Variants in CDH8 observed in about 807,000 individuals in gnomAD.
CDH8 encodes the protein cadherin-8.
CDH8 carries 17 observed loss-of-function variants against 68.1 expected under a neutral mutation model. The observed-to-expected ratio is 0.25, with a 90% CI of 0.17 to 0.37. CDH8 has a LOEUF of 0.37. Ranked by LOEUF, CDH8 falls within the 10% of genes least tolerant of loss-of-function variation. The probability of loss-of-function intolerance (pLI) is 1.00; values close to 1 mark genes in which losing one functional copy is unlikely to be tolerated. For synonymous variants in CDH8, 372 were observed against 365.1 expected, an observed-to-expected ratio of 1.02 and a Z score of -0.21; for missense variants, 763 against 999.3, an observed-to-expected ratio of 0.76 and a Z score of 3.19.
intron 8 of CDH8, among the ~76,000 whole-genome samples, chr16:61,735,998 G>A (rs111449222): frequency 4.6e-5 from 7 of 151,916 alleles, no homozygotes; most frequent in African/African-American, 1.2e-4. Flanking sequence ...GCTTGAACCC[G>A]GGAGGTAGAG....
intron 8 of CDH8, among the ~76,000 whole-genome samples, chr16:61,749,465 A>C (rs1960104605): frequency 6.6e-6 from 1 of 152,082 alleles, no homozygotes; most frequent in African/African-American, 2.4e-5. Context: ...CAAATATTAC[A>C]GTTTAGAAAA....
chr16:61,727,201 T>G lies in CDH8; in HGVS notation c.1429A>C (p.Ile477Leu), dbSNP rs761994642. The G allele has an allele frequency of 4.4e-6, 7 of 1,608,626 alleles. No individual in the cohort carries two copies. Among genetic ancestry groups the G allele is most frequent in the Non-Finnish European group, 5.9e-6 (7 of 1,176,482 alleles). The stretch of plus-strand genomic sequence containing the variant: ...TTAATAGCAACAGGTACTCGTGATA[T>G]CTGACTGTGGTTCCCTATGGGAAGG... ...IATEIRNHSQISRVPVAIKVL... is the reference protein window; with the variant it reads ...IATEIRNHSQLSRVPVAIKVL... The change falls in exon 9 of 12, where the codon ATA becomes CTA. Residue 477 changes from isoleucine (I) to leucine (L), a missense_variant. Transcript: ENST00000577390.
chr16:61,886,734 T>A (rs1273947255), intron 3 of CDH8, among the ~76,000 whole-genome samples: 1 of 152,190 alleles, frequency 6.6e-6, no homozygotes, highest in Non-Finnish European at 1.5e-5. Context: ...CATGCTTGCC[T>A]AATGGTTCCC....
intron 2 of CDH8, among the ~76,000 whole-genome samples, chr16:61,943,915 A>G (rs980929032): frequency 1.3e-5 from 2 of 152,234 alleles, no homozygotes. Flanking sequence ...CATAGTGTCA[A>G]CAAAAGAAGG....
At position 61,652,717 on chromosome 16, in the gene CDH8, C is replaced by T. The variant is rs1411833599; in HGVS notation, c.*891G>A. ...ATATATCCCCTTAATCTATAGATTA[C>T]CGACCTTAATAAATAAAAGCATTAA... On this transcript the variant is annotated 3_prime_UTR_variant, in exon 12 of 12. Coordinates refer to ENST00000577390, the MANE Select transcript of CDH8 (RefSeq NM_001796.5). 2 of 1,279,664 alleles carry T rather than the reference C, an allele frequency of 1.6e-6. No individual in the cohort carries two copies. Among genetic ancestry groups the T allele is most frequent in the Admixed American group, 3.9e-5 (1 of 25,380 alleles). 79.3% of individuals were successfully genotyped at this position (1,279,664 alleles called of 1,614,324 possible). A position where few individuals can be genotyped will look rare whatever the true frequency, so the allele number is the denominator to read the frequency against.
rs1215182871 is a variant in CDH8 at position 61,652,802 on chromosome 16, A to G, written c.*806T>C. The G allele has an allele frequency of 2.2e-6, 3 of 1,377,872 alleles. No homozygotes were observed. The highest frequency in any genetic ancestry group is 2.8e-6 in the Non-Finnish European group (3 of 1,062,806). The allele number at this position is 1,377,872 out of a possible 1,614,324, so 85.4% of individuals were successfully genotyped here. On this transcript the variant is annotated 3_prime_UTR_variant, in exon 12 of 12. Transcript: ENST00000577390. The stretch of plus-strand genomic sequence containing the variant: ...ACAAATAAATTCACGCGCTAGCAAT[A>G]AAACCATCTGTCTCTTATGTAGTCC...
At chr16:61,943,353 G>A (rs778954866) in intron 2 of CDH8, among the ~76,000 whole-genome samples, 21 of 152,290 alleles carry the variant, frequency 1.4e-4, no homozygotes, top group Middle Eastern at 3.4e-3. Flanking sequence ...GAGAACAAAC[G>A]AATGTAAACA....
At chr16:61,801,587 G>A (rs1178093884) in intron 7 of CDH8, among the ~76,000 whole-genome samples, 3 of 152,294 alleles carry the variant, frequency 2.0e-5, no homozygotes, top group Admixed American at 2.0e-4. Context: ...GCCAGACAGT[G>A]GGCGCAGGCC....
At chr16:61,794,686 A>G (rs1231767202) in intron 7 of CDH8, among the ~76,000 whole-genome samples, 1 of 152,018 alleles carries the variant, frequency 6.6e-6, no homozygotes. Context: ...GGTTTAAGTG[A>G]TGAAAGATGA....
At chr16:61,764,699 A>G (rs934250157) in intron 8 of CDH8, among the ~76,000 whole-genome samples, 4 of 152,040 alleles carry the variant, frequency 2.6e-5, no homozygotes, top group African/African-American at 9.7e-5. Context: ...CAGTTTTCCA[A>G]TGTTCATTTT....
intron 4 of CDH8, among the ~76,000 whole-genome samples, chr16:61,832,752 A>G (rs902721912): frequency 2.0e-5 from 3 of 151,782 alleles, no homozygotes; most frequent in Admixed American, 2.0e-4. Context: ...AAGGCATACA[A>G]TATTAAGCAG....
chr16:61,772,329 T>A (rs1386966296), intron 8 of CDH8, among the ~76,000 whole-genome samples: 4 of 152,014 alleles, frequency 2.6e-5, no homozygotes, highest in Middle Eastern at 3.2e-3. Context: ...ACTCACGGTA[T>A]GTCTTAATAG....
intron 2 of CDH8, among the ~76,000 whole-genome samples, chr16:61,974,948 T>A (rs1462413113): frequency 6.6e-6 from 1 of 152,176 alleles, no homozygotes; most frequent in Admixed American, 6.5e-5. Flanking sequence ...ATTTTTACAC[T>A]GAATGTGTTG....
At chr16:61,803,656 G>A (rs1961717251) in intron 7 of CDH8, among the ~76,000 whole-genome samples, 2 of 151,408 alleles carry the variant, frequency 1.3e-5, no homozygotes, top group Admixed American at 1.3e-4. Context: ...AAAAAAGGCA[G>A]GGGTTGCAAT....
intron 2 of CDH8, among the ~76,000 whole-genome samples, chr16:61,934,702 A>G (rs1303791368): frequency 6.6e-6 from 1 of 152,044 alleles, no homozygotes; most frequent in Non-Finnish European, 1.5e-5. Context: ...ACTCCTAACC[A>G]TTTCCCATTC....
intron 2 of CDH8, among the ~76,000 whole-genome samples, chr16:61,965,719 A>C (rs1965237493): frequency 6.6e-6 from 1 of 152,214 alleles, no homozygotes; most frequent in Non-Finnish European, 1.5e-5. Context: ...TTCCTGGTAA[A>C]ACATGCTGAT....
chr16:62,005,787 T>C (rs1179190370), intron 2 of CDH8, among the ~76,000 whole-genome samples: 2 of 150,276 alleles, frequency 1.3e-5, no homozygotes, highest in African/African-American at 4.9e-5. Flanking sequence ...CTATTATTAA[T>C]GCAGGTTCTC....
At chr16:61,828,153 G>A (rs574524807) in intron 4 of CDH8, among the ~76,000 whole-genome samples, 1 of 151,926 alleles carries the variant, frequency 6.6e-6, no homozygotes, top group Admixed American at 6.6e-5. Flanking sequence ...ATAGCGACAA[G>A]AGTGACCTCT....
intron 2 of CDH8, among the ~76,000 whole-genome samples, chr16:61,943,487 ATCAATT>A (rs1390700759): frequency 6.6e-6 from 1 of 152,212 alleles, no homozygotes; most frequent in African/African-American, 2.4e-5. Context: ...GTGTTTGCAG[ATCAATT>A]TCATGTCAAA....
Sources: allele counts gnomAD v4.1 joint callset (sites outside exome capture counted in the v4.1 genomes callset), GRCh38; gene constraint gnomAD v4.1.1; transcripts MANE v1.5; gene names NCBI Gene and HGNC (gene_info 2026-07-23, HGNC 2026-07-21).